The following KRT2 variants were observed in gnomAD, a reference collection of about 807,000 sequenced individuals.
KRT2 encodes the protein keratin, type II cytoskeletal 2 epidermal.
In KRT2, 37 loss-of-function variants were observed where a neutral mutation model predicts 48.5. That is an observed-to-expected ratio of 0.76 (90% CI 0.59 to 1.00). The LOEUF is 1.00. KRT2 is among the 50% of genes least tolerant of loss of function. The probability of loss-of-function intolerance (pLI) is 0.00; values close to 1 mark genes in which losing one functional copy is unlikely to be tolerated. For synonymous variants in KRT2, 324 were observed against 312.2 expected (o/e 1.04, Z -0.40); for missense variants, 880 against 815.2 (o/e 1.08, Z -0.97).
chr12:52,647,590 G>A (rs1409643530), intron 6 of KRT2, 140 bp downstream of exon 6: 2 of 949,576 alleles, frequency 2.1e-6, no homozygotes, highest in Non-Finnish European at 3.3e-6. Context: ...ATGTTAAGCT[G>A]GGGAATTTGG....
chr12:52,649,517 A>G (rs58036802), intron 3 of KRT2, among the ~76,000 whole-genome samples: 4,873 of 152,124 alleles, frequency 0.032, 274 homozygotes, highest in African/African-American at 0.11. Flanking sequence ...CAGCAGGAGA[A>G]CCCTTGCTTT....
chr12:52,650,034 C>G (rs1049159417), intron 2 of KRT2, 60 bp from the exon 3 acceptor site: 2 of 1,277,600 alleles, frequency 1.6e-6, no homozygotes, highest in East Asian at 4.6e-5. Context: ...TTTTCTTTTC[C>G]TTTTATACTG....
At position 52,649,920 on chromosome 12, in the gene KRT2, A is replaced by G. The variant is rs1272213022; in HGVS notation, c.855T>C (p.Leu285=). Residue 285 remains leucine, a synonymous_variant, in exon 3 of 9, where the codon CTT becomes CTC. Transcript: ENST00000309680. ...RTAAENDFVT[L]KKDVDNAYMI... is the part of the protein sequence containing the mutation. ...AAGACATTCTCTCGCTCACCTTTTT[A>G]AGCGTCACAAAATCATTCTCAGCAG... The G allele has an allele frequency of 1.2e-6, 2 of 1,613,134 alleles. No homozygotes were observed. The highest frequency in any genetic ancestry group is 1.3e-5 in the African/African-American group (1 of 75,000).
chr12:52,651,461 G>C, intron 1 of KRT2, 97 bp downstream of exon 1: 1 of 969,418 alleles, frequency 1.0e-6, no homozygotes, highest in Non-Finnish European at 1.7e-6. Flanking sequence ...TACACCACTG[G>C]CTCCTAAGAA....
Position 52,652,208 on chromosome 12 carries a change from T to G in KRT2, c.-66A>C. ...AGAGTCAAGGCTGGAGACTCAACTG[T>G]GCTGCTGGGAGGCTTTCAGGGTCCC... On this transcript the variant is annotated 5_prime_UTR_variant, in exon 1 of 9. Coordinates refer to ENST00000309680, the MANE Select transcript of KRT2 (RefSeq NM_000423.3). 1 of 1,244,820 alleles carries G rather than the reference T, an allele frequency of 8.0e-7. No homozygotes were observed. The highest frequency in any genetic ancestry group is 1.1e-6 in the Non-Finnish European group (1 of 880,344). The allele number at this position is 1,244,820 out of a possible 1,614,324, so 77.1% of individuals were successfully genotyped here.
chr12:52,649,037 T>A lies in KRT2; in HGVS notation c.927A>T (p.Glu309Asp). 2 of 1,612,766 alleles carry A rather than the reference T, an allele frequency of 1.2e-6. No homozygotes were observed. The highest frequency in any genetic ancestry group is 1.7e-6 in the Non-Finnish European group (2 of 1,178,808). The change falls in exon 4 of 9, where the codon GAA becomes GAT. Residue 309 changes from glutamate (E) to aspartate (D), a missense_variant. Transcript: ENST00000309680. ...LQSKVDLLNQ[E>D]IEFLKVLYDA... is the part of the protein sequence containing the mutation. The stretch of plus-strand genomic sequence containing the variant: ...CATAGAGAACTTTCAGAAACTCAAT[T>A]TCCTGGTTCAGCAGGTCCACCTTGG...
chr12:52,647,013 CAG>C, intron 6 of KRT2, 53 bp from the exon 7 acceptor site: 1 of 1,549,594 alleles, frequency 6.5e-7, no homozygotes, highest in Non-Finnish European at 8.9e-7. Flanking sequence ...GGACAGAGAG[CAG>C]AGGTGTTCGA....
intron 6 of KRT2, 60 bp from the exon 7 acceptor site, chr12:52,647,020 G>T: frequency 6.6e-7 from 1 of 1,512,136 alleles, no homozygotes; most frequent in Non-Finnish European, 9.2e-7. Flanking sequence ...GAGCAGAGGT[G>T]TTCGAAGTGC....
At position 52,650,389 on chromosome 12, in the gene KRT2, C is replaced by A. The variant is rs1565640270; in HGVS notation, c.750G>T (p.Gln250His). ...CCTGCATGTTATTCAGCTCTGAATT[C>A]TGTGATGTTCTTTCTGCAGTGAGCC... ...LDGLTAERTS[Q>H]NSELNNMQDL... The change falls in exon 2 of 9, where the codon CAG becomes CAT. Residue 250 changes from glutamine (Q) to histidine (H), a missense_variant. Physicochemically the swap from Gln to His is conservative, Grantham distance 24. Coordinates refer to ENST00000309680, the MANE Select transcript of KRT2 (RefSeq NM_000423.3). 16 of 1,614,206 alleles carry A rather than the reference C, an allele frequency of 9.9e-6. No homozygotes were observed. Among genetic ancestry groups the A allele is most frequent in the Non-Finnish European group, 1.4e-5 (16 of 1,180,032 alleles).
intron 7 of KRT2, 71 bp downstream of exon 7, chr12:52,646,669 C>A: frequency 6.4e-7 from 1 of 1,556,552 alleles, no homozygotes; most frequent in Non-Finnish European, 8.8e-7. Flanking sequence ...CCTGTCTTTG[C>A]CTCCAGCCCT....
rs779454673 is a variant in KRT2, at chr12:52,652,091, C to T, written c.52G>A (p.Gly18Arg). Residue 18 changes from glycine to arginine, a missense_variant, in exon 1 of 9, where the codon GGA (glycine) becomes AGA (arginine). Physicochemically the swap from Gly to Arg is moderately radical, Grantham distance 125. Transcript: ENST00000309680. ...GAGCCGCTGCTGAAGCCCCGGAATCCTCCTCCACCTCCTCCTCTTCCTCGA... is the reference window on the plus strand; with the variant it reads ...GAGCCGCTGCTGAAGCCCCGGAATCTTCCTCCACCTCCTCCTCTTCCTCGA... ...KSRGRGGGGGGFRGFSSGSAV... is the reference protein window; with the variant it reads ...KSRGRGGGGGRFRGFSSGSAV... The T allele has an allele frequency of 2.9e-5, 46 of 1,586,944 alleles. No individual in the cohort carries two copies. Among genetic ancestry groups the T allele is most frequent in the Non-Finnish European group, 3.8e-5 (45 of 1,172,774 alleles).
Position 52,651,890 on chromosome 12 carries a change from C to A in KRT2, c.253G>T (p.Ala85Ser), listed in dbSNP as rs747178935. The part of the protein sequence containing the change: ...SVAGGGGGFG[A>S]AGGFGGRGGG... ...CCTCTGCCACCAAATCCACCAGCGG[C>A]GCCAAAGCCACCACCTCCTCCAGCC... Residue 85 changes from alanine to serine, a missense_variant, in exon 1 of 9, where the codon GCC (alanine) becomes TCC (serine). By Grantham distance (99) the Ala-to-Ser change is moderately conservative. Coordinates refer to ENST00000309680, the MANE Select transcript of KRT2 (RefSeq NM_000423.3). The A allele has an allele frequency of 4.3e-6, 7 of 1,609,870 alleles. No individual in the cohort carries two copies. Among genetic ancestry groups the A allele is most frequent in the South Asian group, 1.1e-5 (1 of 90,830 alleles).
intron 5 of KRT2, 96 bp from the exon 6 acceptor site, chr12:52,647,951 G>A (rs1273870131): frequency 9.8e-6 from 15 of 1,530,040 alleles, no homozygotes; most frequent in Middle Eastern, 1.7e-4. Context: ...ACTGGTCCAG[G>A]GAGGGTCAAC....
Position 52,646,917 on chromosome 12 carries a change from C to A in KRT2, c.1292G>T (p.Gly431Val). 2 of 1,614,188 alleles carry A rather than the reference C, an allele frequency of 1.2e-6. No individual in the cohort carries two copies. Among genetic ancestry groups the A allele is most frequent in the Non-Finnish European group, 1.7e-6 (2 of 1,180,032 alleles). Residue 431 changes from glycine to valine, a missense_variant, in exon 7 of 9, where the codon GGG (glycine) becomes GTG (valine). By Grantham distance (109) the Gly-to-Val change is moderately radical (BLOSUM62 -3). Coordinates refer to ENST00000309680, the MANE Select transcript of KRT2 (RefSeq NM_000423.3). ...QDAIADAEQR[G>V]EHALKDARNK... ...CCTGGCATCCTTGAGGGCATGCTCC[C>A]CACGCTGCTCGGCATCTGCGATGGC...
chr12:52,650,090 T>A, intron 2 of KRT2, 116 bp from the exon 3 acceptor site: 2 of 825,680 alleles, frequency 2.4e-6, no homozygotes, highest in Non-Finnish European at 4.2e-6. Context: ...ACACACTTTT[T>A]AAATATCTAA....
rs574546520 is a variant in KRT2 at position 52,645,647 on chromosome 12, G to A, written c.1470-78C>T. ...GCATGTTGTTTTACCACTTCCACCCGCAAATGTGCAGTTTAGCCTCTCTAA... is the reference window on the plus strand; with the variant it reads ...GCATGTTGTTTTACCACTTCCACCCACAAATGTGCAGTTTAGCCTCTCTAA... On this transcript the variant is annotated intron_variant, in intron 7 of 8. Transcript: ENST00000309680. The A allele has an allele frequency of 9.7e-5, 140 of 1,442,852 alleles. 1 individual carries two copies. Among genetic ancestry groups the A allele is most frequent in the East Asian group, 6.6e-4 (29 of 43,996 alleles). 89.4% of individuals were successfully genotyped at this position (1,442,852 alleles called of 1,614,324 possible).
intron 6 of KRT2, 108 bp from the exon 7 acceptor site, chr12:52,647,068 C>T (rs1402237311): frequency 2.0e-6 from 2 of 988,710 alleles, no homozygotes; most frequent in African/African-American, 1.6e-5. Context: ...GTGTTAGGTC[C>T]CCTCTGGAGT....
Position 52,645,053 on chromosome 12 carries a change from G to A in KRT2, c.1886C>T (p.Ala629Val). Residue 629 changes from alanine to valine, a missense_variant, in exon 9 of 9, where the codon GCT becomes GTT. Coordinates refer to ENST00000309680, the MANE Select transcript of KRT2 (RefSeq NM_000423.3). ...AGAGAAGGTCACGCTGGAACCAAAA[G>A]CTTCACCTGAGCTACCCTTTACAGA... ...SSSVKGSSGE[A>V]FGSSVTFSFR is the part of the protein sequence containing the mutation. The A allele has an allele frequency of 6.2e-7, 1 of 1,614,062 alleles. No individual in the cohort carries two copies. Among genetic ancestry groups the A allele is most frequent in the Non-Finnish European group, 8.5e-7 (1 of 1,180,026 alleles).
In KRT2 at chr12:52,648,091, C is replaced by A. The variant is rs905013931; in HGVS notation, c.1122+82G>T. 13 of 1,491,658 alleles carry A rather than the reference C, an allele frequency of 8.7e-6. No homozygotes were observed. In the East Asian group the frequency reaches 1.4e-4, roughly 16 times the overall value. 92.4% of individuals were successfully genotyped at this position (1,491,658 alleles called of 1,614,324 possible). On this transcript the variant is annotated intron_variant, in intron 5 of 8. Transcript: ENST00000309680. Reference sequence around the variant, plus strand: ...CTACCATTAAACAAAAAACCAATAACCTTACTGTACACTTTCCAGCTGGGG... The same window carrying A: ...CTACCATTAAACAAAAAACCAATAAACTTACTGTACACTTTCCAGCTGGGG...
Sources: allele counts gnomAD v4.1 joint callset (sites outside exome capture counted in the v4.1 genomes callset), GRCh38; gene constraint gnomAD v4.1.1; transcripts MANE v1.5; gene names NCBI Gene and HGNC (gene_info 2026-07-23, HGNC 2026-07-21).